The following TXNDC16 variants were observed in gnomAD, a reference collection of about 807,000 sequenced individuals.
TXNDC16 encodes thioredoxin domain-containing protein 16.
In TXNDC16, 74 loss-of-function variants were observed where a neutral mutation model predicts 85.6. That is an observed-to-expected ratio of 0.86 (90% CI 0.72 to 1.05). The LOEUF (loss-of-function observed/expected upper bound fraction) is 1.05. Among genes scored for constraint, TXNDC16 ranks in the 50% least tolerant of loss-of-function variants. The pLI is 0.00. For synonymous variants in TXNDC16, 335 were observed against 326.5 expected (o/e 1.03, Z -0.28); for missense variants, 959 against 947.0 (o/e 1.01, Z -0.17).
chr14:52,460,757 A>G (rs1752583222), intron 16 of TXNDC16, among the ~76,000 whole-genome samples: 1 of 144,764 alleles, frequency 6.9e-6, no homozygotes, highest in African/African-American at 2.6e-5. Flanking sequence ...GACTCAGAAT[A>G]TGTCTATAGA....
Position 52,482,842 on chromosome 14 carries a change from A to G in TXNDC16, c.1232T>C (p.Ile411Thr), listed in dbSNP as rs778577513. Residue 411 changes from isoleucine to threonine, a missense_variant, in exon 13 of 21, where the codon ATA becomes ACA. By Grantham distance (89) the Ile-to-Thr change is moderately conservative (BLOSUM62 -1). Transcript: ENST00000281741. ...FNATVMASDS[I>T]VLFYAGWQAV... is the part of the protein sequence containing the mutation. ...CTCACAACCAGCATAGAAGAGTACTATGCTGTCAGAAGCCATCACTGTTGC... is the reference window on the plus strand; with the variant it reads ...CTCACAACCAGCATAGAAGAGTACTGTGCTGTCAGAAGCCATCACTGTTGC... The G allele has an allele frequency of 6.2e-7, 1 of 1,611,652 alleles. No individual in the cohort carries two copies. The highest frequency in any genetic ancestry group is 1.7e-5 in the Admixed American group (1 of 59,812).
chr14:52,508,251 C>A (rs567540081), intron 9 of TXNDC16, among the ~76,000 whole-genome samples: 3 of 152,060 alleles, frequency 2.0e-5, no homozygotes, highest in Non-Finnish European at 4.4e-5. Context: ...AACAAGTGGG[C>A]GAAGGATATG....
At chr14:52,545,711 G>A (rs530445676) in intron 1 of TXNDC16, among the ~76,000 whole-genome samples, 5 of 152,332 alleles carry the variant, frequency 3.3e-5, no homozygotes, top group African/African-American at 9.6e-5. Flanking sequence ...GTGAGCAGTT[G>A]AAAGTAATTG....
At chr14:52,493,606 G>C (rs2036465590) in intron 9 of TXNDC16, among the ~76,000 whole-genome samples, 2 of 151,972 alleles carry the variant, frequency 1.3e-5, no homozygotes, top group Non-Finnish European at 2.9e-5. Context: ...AATAATGCAA[G>C]TCACAGAAAA....
At chr14:52,519,333 A>C in intron 6 of TXNDC16, 40 bp from the exon 7 acceptor site, 2 of 1,501,644 alleles carry the variant, frequency 1.3e-6, no homozygotes, top group Non-Finnish European at 1.8e-6. Context: ...AAAATCTGAT[A>C]TGTATTTAGT....
At chr14:52,486,197 T>C (rs1261757092) in intron 12 of TXNDC16, among the ~76,000 whole-genome samples, 1 of 151,794 alleles carries the variant, frequency 6.6e-6, no homozygotes, top group East Asian at 1.9e-4. Flanking sequence ...TAAGCTACCA[T>C]CACTTGTACA....
At chr14:52,507,938 G>A (rs2036852898) in intron 9 of TXNDC16, among the ~76,000 whole-genome samples, 2 of 152,182 alleles carry the variant, frequency 1.3e-5, no homozygotes, top group Admixed American at 6.5e-5. Context: ...AGACTTAAAT[G>A]TTAGACCTAA....
In TXNDC16 at chr14:52,513,528, C is replaced by T. The variant is rs75977538; in HGVS notation, c.605+1352G>A. 2.5e-3 allele frequency among the ~76,000 whole-genome samples: 382 copies of T among 151,590 alleles called. 4 individuals carry two copies. The highest frequency in any genetic ancestry group is 8.8e-3 in the African/African-American group (364 of 41,310). On this transcript the variant is annotated intron_variant, in intron 8 of 20. Transcript: ENST00000281741. ...AATACATCATATATTCAAAAGCAAACGAAAAACAGGATAAGAAGATAACTG... is the reference window on the plus strand; with the variant it reads ...AATACATCATATATTCAAAAGCAAATGAAAAACAGGATAAGAAGATAACTG...
intron 9 of TXNDC16, among the ~76,000 whole-genome samples, chr14:52,509,100 G>A (rs2036890943): frequency 2.0e-5 from 3 of 151,680 alleles, no homozygotes; most frequent in Admixed American, 2.0e-4. Flanking sequence ...ATCATAAAGT[G>A]AAATAAGATC....
At chr14:52,494,500 C>T (rs1454199098) in intron 9 of TXNDC16, among the ~76,000 whole-genome samples, 1 of 152,144 alleles carries the variant, frequency 6.6e-6, no homozygotes, top group Non-Finnish European at 1.5e-5. Flanking sequence ...CTGCCAAAAA[C>T]CTAGATGAGT....
At position 52,517,053 on chromosome 14, in the gene TXNDC16, C is replaced by T. The variant is rs538463150; in HGVS notation, c.515-2083G>A. Among the ~76,000 whole-genome samples, 3 of 152,178 alleles carry T rather than the reference C, an allele frequency of 2.0e-5. No individual in the cohort carries two copies. The South Asian group carries it at 6.2e-4, about 32-fold the overall frequency. On this transcript the variant is annotated intron_variant, in intron 7 of 20. Coordinates refer to ENST00000281741, the MANE Select transcript of TXNDC16 (RefSeq NM_020784.3). ...CCTTGCAATCACCAATTAACGCAATCCCCTCCATAATTTCCCTCCTCCCCC... is the reference window on the plus strand; with the variant it reads ...CCTTGCAATCACCAATTAACGCAATTCCCTCCATAATTTCCCTCCTCCCCC...
chr14:52,514,439 T>C (rs1033245027), intron 8 of TXNDC16, among the ~76,000 whole-genome samples: 5 of 152,148 alleles, frequency 3.3e-5, no homozygotes, highest in African/African-American at 7.2e-5. Flanking sequence ...AATTGTAAAC[T>C]AGACAAGAAA....
chr14:52,524,778 G>A (rs1008250614), intron 6 of TXNDC16, among the ~76,000 whole-genome samples: 3 of 151,906 alleles, frequency 2.0e-5, no homozygotes, highest in African/African-American at 7.3e-5. Context: ...TACAGTGTGC[G>A]CCACCTCACC....
chr14:52,528,851 G>T (rs1349202925), intron 6 of TXNDC16, among the ~76,000 whole-genome samples: 6 of 145,502 alleles, frequency 4.1e-5, no homozygotes, highest in African/African-American at 1.5e-4. Flanking sequence ...ATATATGTGT[G>T]TGTGTATATA....
chr14:52,463,153 C>T (rs2035691174), intron 16 of TXNDC16, among the ~76,000 whole-genome samples: 1 of 151,702 alleles, frequency 6.6e-6, no homozygotes, highest in South Asian at 2.1e-4. Flanking sequence ...TGATCCTGGA[C>T]CCAGTCCAGT....
At chr14:52,536,934 C>T in intron 5 of TXNDC16, 141 bp from the exon 6 acceptor site, 1 of 626,236 alleles carries the variant, frequency 1.6e-6, no homozygotes, top group African/African-American at 1.8e-5. Context: ...CTCCACATAC[C>T]TACCAGCGTC....
In TXNDC16 at chr14:52,432,547, A is replaced by C. The variant is rs760533193; in HGVS notation, c.2235T>G (p.Ala745=). 2 of 1,612,400 alleles carry C rather than the reference A, an allele frequency of 1.2e-6. No individual in the cohort carries two copies. The highest frequency in any genetic ancestry group is 1.7e-6 in the Non-Finnish European group (2 of 1,179,446). The change falls in exon 21 of 21, where the codon GCT becomes GCG. Residue 745 remains alanine (A), a synonymous_variant. Transcript: ENST00000281741. Reference sequence around the variant, plus strand: ...CATCTATCATACTTAGAAAATCATAAGCTGGAAGAGGAGGTTTCCATTCTT... The same window carrying C: ...CATCTATCATACTTAGAAAATCATACGCTGGAAGAGGAGGTTTCCATTCTT... ...PAQEWKPPLP[A]YDFLSMIDAA... is the part of the protein sequence containing the mutation.
intron 18 of TXNDC16, among the ~76,000 whole-genome samples, chr14:52,443,195 C>A (rs534602109): frequency 1.6e-4 from 24 of 152,180 alleles, no homozygotes; most frequent in African/African-American, 5.5e-4. Context: ...AAACATAAAG[C>A]AGACAGAAAA....
At chr14:52,438,273 C>T (rs1447267535) in intron 20 of TXNDC16, among the ~76,000 whole-genome samples, 1 of 152,178 alleles carries the variant, frequency 6.6e-6, no homozygotes, top group Non-Finnish European at 1.5e-5. Context: ...GAATAAAATG[C>T]TATCAAACAG....
Sources: allele counts gnomAD v4.1 joint callset (sites outside exome capture counted in the v4.1 genomes callset), GRCh38; gene constraint gnomAD v4.1.1; transcripts MANE v1.5; gene names NCBI Gene and HGNC (gene_info 2026-07-23, HGNC 2026-07-21).